The following PAPSS1 variants were observed in gnomAD, a reference collection of about 807,000 sequenced individuals.
PAPSS1 encodes bifunctional 3'-phosphoadenosine 5'-phosphosulfate synthase 1.
In PAPSS1, 50 loss-of-function variants were observed where a neutral mutation model predicts 72.0. That is an observed-to-expected ratio of 0.69 (90% CI 0.55 to 0.88). The LOEUF is 0.88. Ranked by LOEUF, PAPSS1 falls within the 40% of genes least tolerant of loss-of-function variation. The pLI, the probability that PAPSS1 is intolerant of heterozygous loss-of-function variation, is 0.00. For missense variants in PAPSS1, 657 were observed against 782.2 expected, an observed-to-expected ratio of 0.84 and a Z score of 1.91; for synonymous variants, 261 against 263.6, an observed-to-expected ratio of 0.99 and a Z score of 0.09.
At chr4:107,647,264 C>A (rs900277257) in intron 9 of PAPSS1, among the ~76,000 whole-genome samples, 13 of 152,218 alleles carry the variant, frequency 8.5e-5, no homozygotes, top group Non-Finnish European at 1.6e-4. Context: ...TACTCCTCCA[C>A]ACTATTACCA....
chr4:107,711,455 G>A (rs1008493072), intron 1 of PAPSS1, among the ~76,000 whole-genome samples: 1 of 152,262 alleles, frequency 6.6e-6, no homozygotes, highest in South Asian at 2.1e-4. Flanking sequence ...ATGCTACTTA[G>A]AGAATTTCAT....
At chr4:107,656,478 T>A (rs1727013699) in intron 7 of PAPSS1, among the ~76,000 whole-genome samples, 1 of 151,890 alleles carries the variant, frequency 6.6e-6, no homozygotes, top group Non-Finnish European at 1.5e-5. Context: ...ACCACATTTT[T>A]AGCCACATAT....
intron 1 of PAPSS1, among the ~76,000 whole-genome samples, chr4:107,714,602 C>G (rs1723588280): frequency 1.3e-5 from 2 of 152,142 alleles, no homozygotes; most frequent in African/African-American, 4.8e-5. Context: ...GATTTTTCAA[C>G]TGGATTTTAC....
intron 9 of PAPSS1, among the ~76,000 whole-genome samples, chr4:107,647,695 A>G (rs1367653003): frequency 6.6e-6 from 1 of 152,116 alleles, no homozygotes; most frequent in East Asian, 1.9e-4. Flanking sequence ...ATTTTTACAC[A>G]GCTATAATCA....
intron 3 of PAPSS1, among the ~76,000 whole-genome samples, chr4:107,690,498 T>C (rs1410398338): frequency 6.6e-6 from 1 of 152,184 alleles, no homozygotes; most frequent in Admixed American, 6.5e-5. Flanking sequence ...ACTTCATCAC[T>C]TGCCTCAAGA....
intron 11 of PAPSS1, among the ~76,000 whole-genome samples, chr4:107,619,149 T>A (rs1725896552): frequency 6.6e-6 from 1 of 152,216 alleles, no homozygotes; most frequent in African/African-American, 2.4e-5. Context: ...TAGATGACTC[T>A]GTCTAACTTT....
chr4:107,668,556 C>T (rs1294861289), intron 5 of PAPSS1, among the ~76,000 whole-genome samples: 1 of 152,138 alleles, frequency 6.6e-6, no homozygotes, highest in Non-Finnish European at 1.5e-5. Flanking sequence ...TAATCAACTA[C>T]AAGCATCACT....
At chr4:107,622,017 T>A (rs1725978129) in intron 11 of PAPSS1, among the ~76,000 whole-genome samples, 1 of 152,174 alleles carries the variant, frequency 6.6e-6, no homozygotes, top group Non-Finnish European at 1.5e-5. Flanking sequence ...TGGGGAGACC[T>A]GGACTGCTCT....
chr4:107,623,813 C>T (rs1228429727), intron 11 of PAPSS1, among the ~76,000 whole-genome samples: 2 of 152,324 alleles, frequency 1.3e-5, no homozygotes, highest in Admixed American at 6.5e-5. Context: ...GCAGCTTCAA[C>T]GCTCAGCTTA....
At chr4:107,707,145 G>C (rs867236458) in intron 1 of PAPSS1, among the ~76,000 whole-genome samples, 3 of 152,326 alleles carry the variant, frequency 2.0e-5, no homozygotes, top group African/African-American at 7.2e-5. Context: ...CCAGCCTGGA[G>C]GGTGGGGCTA....
chr4:107,633,366 G>C (rs1427817756), intron 10 of PAPSS1, among the ~76,000 whole-genome samples: 1 of 152,132 alleles, frequency 6.6e-6, no homozygotes, highest in African/African-American at 2.4e-5. Flanking sequence ...AGAAATATTA[G>C]CCACTATTAT....
chr4:107,626,168 A>C (rs1252640872), intron 11 of PAPSS1, among the ~76,000 whole-genome samples: 1 of 140,158 alleles, frequency 7.1e-6, no homozygotes, highest in Non-Finnish European at 1.6e-5. Context: ...AAAGAGTGAG[A>C]CTCTGTCTCA....
At chr4:107,663,672 A>G (rs1474015837) in intron 5 of PAPSS1, among the ~76,000 whole-genome samples, 2 of 152,208 alleles carry the variant, frequency 1.3e-5, no homozygotes, top group Non-Finnish European at 2.9e-5. Context: ...ACATAAAAAG[A>G]ATACTCAGTA....
chr4:107,625,540 AGGAACTGAACTC>A (rs892606117), intron 11 of PAPSS1, among the ~76,000 whole-genome samples: 2 of 152,328 alleles, frequency 1.3e-5, no homozygotes, highest in African/African-American at 4.8e-5. Context: ...TGTAACTAGA[AGGAACTGAACTC>A]GGCTAATAAC....
At chr4:107,663,234 A>G (rs1005298920) in intron 5 of PAPSS1, among the ~76,000 whole-genome samples, 6 of 152,174 alleles carry the variant, frequency 3.9e-5, no homozygotes, top group Non-Finnish European at 8.8e-5. Context: ...ACAGGAGTCT[A>G]TAGGTCAGTT....
intron 4 of PAPSS1, among the ~76,000 whole-genome samples, chr4:107,685,645 G>C (rs926241693): frequency 6.6e-6 from 1 of 152,210 alleles, no homozygotes; most frequent in Admixed American, 6.5e-5. Context: ...ACAGGCAGCA[G>C]TCCCCATCAA....
At chr4:107,615,939 C>T (rs115969831) in intron 11 of PAPSS1, among the ~76,000 whole-genome samples, 7 of 152,110 alleles carry the variant, frequency 4.6e-5, no homozygotes, top group African/African-American at 9.7e-5. Flanking sequence ...CACCAGACAC[C>T]GCATCTGCTG....
At chr4:107,676,766 A>G (rs1178539480) in intron 5 of PAPSS1, among the ~76,000 whole-genome samples, 25 of 152,250 alleles carry the variant, frequency 1.6e-4, no homozygotes, top group South Asian at 4.1e-4. Flanking sequence ...GAGGCATCAC[A>G]CTACCTGACT....
intron 11 of PAPSS1, among the ~76,000 whole-genome samples, chr4:107,617,132 G>T (rs1725844227): frequency 1.3e-5 from 2 of 151,530 alleles, no homozygotes; most frequent in African/African-American, 4.9e-5. Flanking sequence ...TCAAGCTTCT[G>T]GTTTCCTCTG....
Sources: gnomAD v4.1 joint callset for allele counts (sites outside exome capture counted in the v4.1 genomes callset) on GRCh38, gnomAD v4.1.1 for gene constraint, MANE v1.5 for transcripts, NCBI Gene and HGNC (gene_info 2026-07-23, HGNC 2026-07-21) for gene names.